Variants in TERB1 observed in about 807,000 individuals in gnomAD.
TERB1 encodes the protein telomere repeats-binding bouquet formation protein 1.
In TERB1, 63 loss-of-function variants were observed where a neutral mutation model predicts 92.3. The observed-to-expected ratio is 0.68, with a 90% CI of 0.56 to 0.84. TERB1 has a LOEUF of 0.84. Among genes scored for constraint, TERB1 ranks in the 40% least tolerant of loss-of-function variants. The probability of loss-of-function intolerance (pLI) is 0.00; values close to 1 mark genes in which losing one functional copy is unlikely to be tolerated. For missense variants in TERB1, 709 were observed against 843.7 expected (o/e 0.84, Z 1.98); for synonymous variants, 252 against 283.9 (o/e 0.89, Z 1.13).
intron 3 of TERB1, among the ~76,000 whole-genome samples, chr16:66,794,875 A>AC (rs1429219724): frequency 6.7e-6 from 1 of 150,214 alleles, no homozygotes; most frequent in Non-Finnish European, 1.5e-5. Context: ...CGGCCACTGC[A>AC]CTCCAGCCTG....
chr16:66,769,886 T>A, intron 14 of TERB1, 77 bp downstream of exon 14: 1 of 966,086 alleles, frequency 1.0e-6, no homozygotes, highest in Non-Finnish European at 1.5e-6. Context: ...GCCCAATATT[T>A]AACAGTGTGG....
At chr16:66,766,577 T>C (rs1274198018) in intron 16 of TERB1, among the ~76,000 whole-genome samples, 1 of 152,142 alleles carries the variant, frequency 6.6e-6, no homozygotes, top group Non-Finnish European at 1.5e-5. Context: ...AATATAAAAA[T>C]AGGTATTTTT....
At chr16:66,781,407 C>T (rs1167873223) in intron 9 of TERB1, among the ~76,000 whole-genome samples, 3 of 151,868 alleles carry the variant, frequency 2.0e-5, no homozygotes, top group Admixed American at 1.3e-4. Context: ...TCTTCTTTGG[C>T]GAAGTATCTG....
chr16:66,776,222 G>A (rs1334393795), intron 11 of TERB1, among the ~76,000 whole-genome samples: 3 of 151,586 alleles, frequency 2.0e-5, no homozygotes, highest in Non-Finnish European at 4.4e-5. Flanking sequence ...CCAGCTACTC[G>A]GGAGGCTGAG....
Position 66,757,125 on chromosome 16 carries a change from C to T in TERB1, c.1996+1648G>A, listed in dbSNP as rs539457130. ...AAAAATGGCAACATACCAAATATTC[C>T]TGGCCGGCTTGTGAAAGAGATGTAA... is the stretch of plus-strand genomic sequence containing the variant. On this transcript the variant is annotated intron_variant, in intron 18 of 18. Transcript: ENST00000433154. Among the ~76,000 whole-genome samples the T allele has an allele frequency of 5.3e-5, 8 of 152,218 alleles. No homozygotes were observed. The South Asian group carries it at 6.2e-4, about 12-fold the overall frequency.
At chr16:66,793,221 T>G (rs1340317056) in intron 3 of TERB1, among the ~76,000 whole-genome samples, 4 of 141,550 alleles carry the variant, frequency 2.8e-5, no homozygotes, top group Non-Finnish European at 6.2e-5. Flanking sequence ...GTTTTTTTTT[T>G]TTTTTTTTTT....
chr16:66,795,616 G>GA (rs1272106150), intron 3 of TERB1, among the ~76,000 whole-genome samples: 1 of 152,058 alleles, frequency 6.6e-6, no homozygotes. Context: ...TTTGAGAGGG[G>GA]AATCACCAAC....
chr16:66,765,080 G>C (rs940346000), intron 16 of TERB1, among the ~76,000 whole-genome samples: 1 of 152,184 alleles, frequency 6.6e-6, no homozygotes, highest in Non-Finnish European at 1.5e-5. Context: ...CAGGAAGAGA[G>C]AGATAAAGGT....
At chr16:66,764,980 T>C (rs1008899482) in intron 16 of TERB1, among the ~76,000 whole-genome samples, 2 of 152,152 alleles carry the variant, frequency 1.3e-5, no homozygotes, top group African/African-American at 4.8e-5. Context: ...ATCAATAAAA[T>C]GATAGATGAT....
chr16:66,773,014 A>G (rs955594966), intron 12 of TERB1, among the ~76,000 whole-genome samples: 1 of 152,166 alleles, frequency 6.6e-6, no homozygotes, highest in African/African-American at 2.4e-5. Context: ...CCTCAGGTAC[A>G]TGGATACTGG....
intron 13 of TERB1, 121 bp from the exon 14 acceptor site, chr16:66,770,430 G>A: frequency 1.5e-6 from 1 of 671,378 alleles, no homozygotes; most frequent in Non-Finnish European, 2.4e-6. Context: ...GAACATATAT[G>A]ATAAAAGGCA....
chr16:66,759,213 G>A lies in TERB1; in HGVS notation c.1858C>T (p.Arg620Cys), dbSNP rs192051533. ...TCAGCTTCCACAATGACTTTGTGAC[G>A]ATCACATTGGTATGGGCAAGAGTGC... ...LLHSCPYQCD[R>C]HKVIVEAEDR... Residue 620 changes from arginine (R) to cysteine (C), a missense_variant, in exon 17 of 19, where the codon CGT becomes TGT. Coordinates refer to ENST00000433154, the MANE Select transcript of TERB1 (RefSeq NM_001136505.2). 4.5e-6 allele frequency: 7 copies of A among 1,550,664 alleles called. No individual in the cohort carries two copies. Among genetic ancestry groups the A allele is most frequent in the East Asian group, 2.4e-5 (1 of 40,896 alleles).
intron 12 of TERB1, 92 bp downstream of exon 12, chr16:66,775,026 T>C (rs2018521787): frequency 7.6e-6 from 10 of 1,319,214 alleles, no homozygotes; most frequent in Non-Finnish European, 1.0e-5. Context: ...AAGAAGAATC[T>C]GAGAGCTATA....
At chr16:66,775,369 C>T (rs1178483806) in intron 11 of TERB1, 126 bp from the exon 12 acceptor site, 17 of 817,548 alleles carry the variant, frequency 2.1e-5, no homozygotes, top group Non-Finnish European at 3.0e-5. Context: ...AACGGTGGCT[C>T]ACTCTTGTAA....
intron 9 of TERB1, 63 bp downstream of exon 9, chr16:66,785,723 C>G: frequency 7.2e-7 from 1 of 1,391,710 alleles, no homozygotes; most frequent in Non-Finnish European, 9.5e-7. Flanking sequence ...TAAATTCAAT[C>G]GTTTTTATTA....
At chr16:66,768,535 G>A (rs2018388642) in intron 14 of TERB1, among the ~76,000 whole-genome samples, 1 of 152,172 alleles carries the variant, frequency 6.6e-6, no homozygotes, top group Non-Finnish European at 1.5e-5. Flanking sequence ...ATCATTTAAA[G>A]ACCTGAATTT....
At chr16:66,782,112 T>C (rs1260837436) in intron 9 of TERB1, among the ~76,000 whole-genome samples, 1 of 152,236 alleles carries the variant, frequency 6.6e-6, no homozygotes, top group South Asian at 2.1e-4. Context: ...GATTCATATT[T>C]TGCATATAGA....
At chr16:66,797,461 T>C (rs1414579932) in intron 2 of TERB1, among the ~76,000 whole-genome samples, 2 of 151,802 alleles carry the variant, frequency 1.3e-5, no homozygotes, top group Non-Finnish European at 2.9e-5. Flanking sequence ...GGTCACAAAC[T>C]CCCGGTCTCA....
chr16:66,790,407 C>T (rs777824869), intron 5 of TERB1, among the ~76,000 whole-genome samples, 188 bp downstream of exon 5: 3 of 115,150 alleles, frequency 2.6e-5, no homozygotes, highest in Admixed American at 1.1e-4. Context: ...GGAAAGGAAA[C>T]GAAAGGAAAG....
Sources: allele counts gnomAD v4.1 joint callset (sites outside exome capture counted in the v4.1 genomes callset), GRCh38; gene constraint gnomAD v4.1.1; transcripts MANE v1.5; gene names NCBI Gene and HGNC (gene_info 2026-07-23, HGNC 2026-07-21).